The following UNC13C variants were observed in gnomAD, a reference collection of about 807,000 sequenced individuals.
UNC13C encodes the protein protein unc-13 homolog C.
In UNC13C, 174 loss-of-function variants were observed where a neutral mutation model predicts 245.4. The observed-to-expected ratio is 0.71, with a 90% CI of 0.63 to 0.80. The LOEUF (loss-of-function observed/expected upper bound fraction) is 0.80. Among genes scored for constraint, UNC13C ranks in the 30% least tolerant of loss-of-function variants. UNC13C has a pLI of 0.00. For synonymous variants in UNC13C, 992 were observed against 895.1 expected (o/e 1.11, Z -1.93); for missense variants, 2,829 against 2,602.9 (o/e 1.09, Z -1.89).
chr15:53,918,029 GTTGA>G, the UNC13C span, among the ~76,000 whole-genome samples: 1 of 152,288 alleles, frequency 6.6e-6, no homozygotes, highest in East Asian at 1.9e-4. Flanking sequence ...AACAAAAGAA[GTTGA>G]TTGAGAATGC....
chr15:54,522,414 G>A (rs143843664), intron 24 of UNC13C, among the ~76,000 whole-genome samples: 4,695 of 152,084 alleles, frequency 0.031, 232 homozygotes, highest in African/African-American at 0.11. Flanking sequence ...GGAGGTGGAG[G>A]TTGCAGTGAG....
intron 19 of UNC13C, among the ~76,000 whole-genome samples, chr15:54,447,530 T>C (rs979482439): frequency 1.5e-4 from 23 of 152,354 alleles, no homozygotes; most frequent in Middle Eastern, 6.8e-3. Flanking sequence ...AATTTATCCA[T>C]TTCTTCTAGA....
chr15:54,437,286 A>G (rs1162914602), intron 19 of UNC13C, among the ~76,000 whole-genome samples: 1 of 151,994 alleles, frequency 6.6e-6, no homozygotes. Flanking sequence ...TCACGAAACA[A>G]TTACCAGCTG....
At chr15:54,397,004 T>C (rs1294717711) in intron 18 of UNC13C, among the ~76,000 whole-genome samples, 1 of 151,318 alleles carries the variant, frequency 6.6e-6, no homozygotes, top group Non-Finnish European at 1.5e-5. Context: ...CTGAAGAGCA[T>C]AGTTATTGCG....
At position 54,166,211 on chromosome 15, in the gene UNC13C, C is replaced by T. The variant is rs2033157331; in HGVS notation, c.3071+22527C>T. ...GATTTCTGCCTTTAGATAATGCTTACAAAACTATTCCCAACAGAAAAATTA... is the reference window on the plus strand; with the variant it reads ...GATTTCTGCCTTTAGATAATGCTTATAAAACTATTCCCAACAGAAAAATTA... On this transcript the variant is annotated intron_variant, in intron 4 of 32. Coordinates refer to ENST00000260323, the MANE Select transcript of UNC13C (RefSeq NM_001080534.3). 2.6e-5 allele frequency among the ~76,000 whole-genome samples: 4 copies of T among 151,912 alleles called. 1 individual carries two copies. The highest frequency in any genetic ancestry group is 9.7e-5 in the African/African-American group (4 of 41,402).
intron 4 of UNC13C, among the ~76,000 whole-genome samples, chr15:54,218,111 T>C (rs527745178): frequency 3.2e-4 from 48 of 152,024 alleles, no homozygotes; most frequent in Non-Finnish European, 6.6e-4. Flanking sequence ...AAATGCAGTT[T>C]TATAGGGGAT....
chr15:54,383,470 G>A (rs199868062), intron 17 of UNC13C, among the ~76,000 whole-genome samples: 2 of 151,872 alleles, frequency 1.3e-5, no homozygotes, highest in African/African-American at 4.8e-5. Flanking sequence ...GGAAAATATC[G>A]TTCTTTTATA....
At chr15:53,910,066 G>C in the UNC13C span, among the ~76,000 whole-genome samples, 1 of 144,196 alleles carries the variant, frequency 6.9e-6, no homozygotes, top group East Asian at 2.0e-4. Flanking sequence ...GTGCCTGCGG[G>C]CCACAGGACT....
intron 24 of UNC13C, among the ~76,000 whole-genome samples, chr15:54,523,308 G>C (rs1259884131): frequency 6.6e-6 from 1 of 152,092 alleles, no homozygotes; most frequent in African/African-American, 2.4e-5. Flanking sequence ...ATGTACACTG[G>C]CCTCAGAATT....
the UNC13C span, among the ~76,000 whole-genome samples, chr15:53,842,411 G>A: frequency 1.3e-5 from 2 of 152,122 alleles, no homozygotes; most frequent in Non-Finnish European, 2.9e-5. Context: ...AATTCATGAT[G>A]TTCAGATAGG....
chr15:54,495,143 T>C (rs1363447920), intron 20 of UNC13C, among the ~76,000 whole-genome samples: 1 of 152,020 alleles, frequency 6.6e-6, no homozygotes, highest in Non-Finnish European at 1.5e-5. Flanking sequence ...ATAGAAATAG[T>C]GGTTTAACAG....
At chr15:54,182,891 G>A (rs909994632) in intron 4 of UNC13C, among the ~76,000 whole-genome samples, 4 of 151,964 alleles carry the variant, frequency 2.6e-5, no homozygotes, top group African/African-American at 9.7e-5. Context: ...TATAACATAT[G>A]CAGCAATAAA....
intron 1 of UNC13C, among the ~76,000 whole-genome samples, chr15:53,995,032 A>T (rs1894555863): frequency 6.6e-6 from 1 of 152,132 alleles, no homozygotes; most frequent in East Asian, 1.9e-4. Flanking sequence ...TCCAGTGTGT[A>T]TAATTAGGAT....
At chr15:54,170,875 G>C (rs1416982416) in intron 4 of UNC13C, among the ~76,000 whole-genome samples, 1 of 152,088 alleles carries the variant, frequency 6.6e-6, no homozygotes, top group African/African-American at 2.4e-5. Flanking sequence ...CTGCCTAAAG[G>C]TATAAGCCAT....
chr15:54,008,901 T>A lies in UNC13C; in HGVS notation c.-256-3747T>A, dbSNP rs778892328. Among the ~76,000 whole-genome samples, 7 of 152,338 alleles carry A rather than the reference T, an allele frequency of 4.6e-5. No individual in the cohort carries two copies. The East Asian group carries it at 9.7e-4, about 21-fold the overall frequency. On this transcript the variant is annotated intron_variant, in intron 1 of 32. Transcript: ENST00000260323. Reference sequence around the variant, plus strand: ...TCTCTTTATCTCTTTGAATCTCTTATCTCCTCATATAATAGGCATAATAAT... The same window carrying A: ...TCTCTTTATCTCTTTGAATCTCTTAACTCCTCATATAATAGGCATAATAAT...
intron 19 of UNC13C, among the ~76,000 whole-genome samples, chr15:54,434,904 C>G (rs2040948922): frequency 6.6e-6 from 1 of 151,970 alleles, no homozygotes; most frequent in Non-Finnish European, 1.5e-5. Flanking sequence ...ACAACCCCAT[C>G]AAAAAGTGGG....
intron 2 of UNC13C, among the ~76,000 whole-genome samples, chr15:54,036,705 C>T (rs560487801): frequency 2.3e-4 from 35 of 152,328 alleles, no homozygotes; most frequent in African/African-American, 8.4e-4. Context: ...ATCTGTTTCT[C>T]TCCTTTCTTC....
intron 30 of UNC13C, among the ~76,000 whole-genome samples, chr15:54,614,935 G>A (rs1330434884): frequency 1.3e-5 from 2 of 152,020 alleles, no homozygotes; most frequent in East Asian, 1.9e-4. Context: ...TCAGAGAGAA[G>A]CTATCTCCAG....
intron 30 of UNC13C, among the ~76,000 whole-genome samples, chr15:54,595,860 T>G (rs997852713): frequency 6.6e-6 from 1 of 152,244 alleles, no homozygotes; most frequent in African/African-American, 2.4e-5. Flanking sequence ...TTTATAGAAA[T>G]GTAGCCAAAT....
Sources: gnomAD v4.1 joint callset for allele counts (sites outside exome capture counted in the v4.1 genomes callset) on GRCh38, gnomAD v4.1.1 for gene constraint, MANE v1.5 for transcripts, NCBI Gene and HGNC (gene_info 2026-07-23, HGNC 2026-07-21) for gene names.